The following RGPD8 variants were observed in gnomAD, a reference collection of about 807,000 sequenced individuals.
The protein encoded by RGPD8 is RANBP2-like and GRIP domain-containing protein 8.
In RGPD8, 15 loss-of-function variants were observed where a neutral mutation model predicts 89.1. The ratio of observed to expected loss-of-function variants is 0.17; its 90% confidence interval spans 0.11 to 0.26. The LOEUF (loss-of-function observed/expected upper bound fraction) is 0.26. RGPD8 is among the 10% of genes least tolerant of loss of function. The pLI, the probability that RGPD8 is intolerant of heterozygous loss-of-function variation, is 1.00. For synonymous variants in RGPD8, 62 were observed against 420.9 expected, an observed-to-expected ratio of 0.15 and a Z score of 10.44; for missense variants, 178 against 1,179.6, an observed-to-expected ratio of 0.15 and a Z score of 12.44.
chr2:112,410,478 G>A (rs1679127752), intron 7 of RGPD8, among the ~76,000 whole-genome samples: 1 of 151,688 alleles, frequency 6.6e-6, no homozygotes, highest in Admixed American at 6.6e-5. Flanking sequence ...TATCAACGGT[G>A]TTTTTAAAAG....
At chr2:112,379,169 G>A (rs1678188388) in intron 21 of RGPD8, among the ~76,000 whole-genome samples, 1 of 150,964 alleles carries the variant, frequency 6.6e-6, no homozygotes, top group Non-Finnish European at 1.5e-5. Flanking sequence ...TTGAAACCAA[G>A]CCATAGCTTT....
intron 7 of RGPD8, among the ~76,000 whole-genome samples, chr2:112,411,244 G>C (rs1187556880): frequency 1.5e-5 from 2 of 135,990 alleles, no homozygotes; most frequent in Non-Finnish European, 3.1e-5. Flanking sequence ...TTTTCCTTTC[G>C]AAAGTTATGC....
chr2:112,387,762 G>A (rs1234751959), intron 20 of RGPD8, among the ~76,000 whole-genome samples: 1 of 145,422 alleles, frequency 6.9e-6, no homozygotes, highest in African/African-American at 2.5e-5. Context: ...GCATGACTCC[G>A]TACACTGTAC....
chr2:112,382,370 A>G (rs1431104073), intron 20 of RGPD8, among the ~76,000 whole-genome samples: 2 of 150,644 alleles, frequency 1.3e-5, no homozygotes, highest in Non-Finnish European at 3.0e-5. Flanking sequence ...AAAAAAGCAT[A>G]TGTACCTTAG....
chr2:112,432,542 C>G, intron 1 of RGPD8: 1 of 985,384 alleles, frequency 1.0e-6, no homozygotes, highest in Non-Finnish European at 1.2e-6. Flanking sequence ...TGTCACTCGA[C>G]GCAGCCGCCA....
rs1205784774 is a variant in RGPD8 at position 112,370,707 on chromosome 2, C to A, written c.5264-495G>T. 2.3e-5 allele frequency among the ~76,000 whole-genome samples: 3 copies of A among 130,500 alleles called. No homozygotes were observed. The South Asian group carries it at 8.2e-4, about 36-fold the overall frequency. 85.6% of individuals were successfully genotyped at this position (130,500 alleles called of 152,430 possible). A position where few individuals can be genotyped will look rare whatever the true frequency, so the allele number is the denominator to read the frequency against. ...TTTAGACACACTGCTTACTAAATTT[C>A]TCTTTTTAAAGGATATACTGAATTT... is the stretch of plus-strand genomic sequence containing the variant. On this transcript the variant is annotated intron_variant, in intron 22 of 22. Coordinates refer to ENST00000302558, the MANE Select transcript of RGPD8 (RefSeq NM_001164463.1).
intron 1 of RGPD8, among the ~76,000 whole-genome samples, chr2:112,428,771 G>C (rs1473833944): frequency 6.6e-6 from 1 of 152,118 alleles, no homozygotes. Context: ...CACATTTGAG[G>C]GTTTAAATTG....
chr2:112,402,614 C>G (rs1488008616), intron 9 of RGPD8, among the ~76,000 whole-genome samples: 5 of 146,610 alleles, frequency 3.4e-5, no homozygotes, highest in African/African-American at 1.3e-4. Flanking sequence ...TGTTCATGTC[C>G]TTTGTCTCAG....
At position 112,380,857 on chromosome 2, in the gene RGPD8, C is replaced by T. The variant is rs1678276285; in HGVS notation, c.5028G>A (p.Glu1676=). The change falls in exon 21 of 23, where the codon GAG becomes GAA. Residue 1676 remains glutamate, a synonymous_variant. Transcript: ENST00000302558. Reference sequence around the variant, plus strand: ...GCTCCATAAGGACTGCATTGGTTGCCTCTATTTCCCGAAGCAGGCCGTTTA... The same window carrying T: ...GCTCCATAAGGACTGCATTGGTTGCTTCTATTTCCCGAAGCAGGCCGTTTA... ...DHLNGLLREI[E]ATNAVLMEQI... The T allele has an allele frequency of 7.1e-7, 1 of 1,415,510 alleles. No individual in the cohort carries two copies. Among genetic ancestry groups the T allele is most frequent in the African/African-American group, 1.4e-5 (1 of 70,058 alleles). The allele number at this position is 1,415,510 out of a possible 1,614,324, so 87.7% of individuals were successfully genotyped here. A position where few individuals can be genotyped will look rare whatever the true frequency, so the allele number is the denominator to read the frequency against.
At chr2:112,433,306 G>A (rs1290761593) in intron 1 of RGPD8, 76 bp downstream of exon 1, 1 of 1,487,554 alleles carries the variant, frequency 6.7e-7, no homozygotes, top group Non-Finnish European at 9.0e-7. Context: ...GACCCATCGA[G>A]GCCGCCGCCG....
chr2:112,422,749 C>T (rs1679609674), intron 2 of RGPD8, 90 bp from the exon 3 acceptor site: 1 of 549,144 alleles, frequency 1.8e-6, no homozygotes, highest in African/African-American at 2.8e-5. Context: ...CCAAAGCAAC[C>T]ACTAAACTCG....
chr2:112,420,819 A>AC (rs1338546832), intron 4 of RGPD8, among the ~76,000 whole-genome samples: 6 of 119,426 alleles, frequency 5.0e-5, no homozygotes, highest in Admixed American at 1.8e-4. Flanking sequence ...ATGAATCTAC[A>AC]CGTGATAAAA....
At chr2:112,424,736 ACATCATCAT>A (rs578192808) in intron 1 of RGPD8, among the ~76,000 whole-genome samples, 68 of 123,488 alleles carry the variant, frequency 5.5e-4, no homozygotes, top group African/African-American at 1.3e-3. Context: ...CATCTCCCAA[ACATCATCAT>A]CATCATCATC....
intron 22 of RGPD8, among the ~76,000 whole-genome samples, chr2:112,377,272 A>C (rs1678147042): frequency 2.6e-5 from 2 of 78,104 alleles, no homozygotes; most frequent in Non-Finnish European, 4.9e-5. Context: ...AACTCTAACT[A>C]CATCATAGTT....
intron 6 of RGPD8, among the ~76,000 whole-genome samples, chr2:112,415,409 G>A (rs1372020890): frequency 6.6e-6 from 1 of 151,038 alleles, no homozygotes; most frequent in Non-Finnish European, 1.5e-5. Context: ...CTGTGAAACT[G>A]CCTAGGGTGG....
intron 1 of RGPD8, among the ~76,000 whole-genome samples, chr2:112,426,056 A>T (rs1360827499): frequency 6.6e-6 from 1 of 151,606 alleles, no homozygotes; most frequent in Non-Finnish European, 1.5e-5. Flanking sequence ...CTTCTTCACA[A>T]TTTCATGGAC....
chr2:112,409,329 GGTAAA>G (rs1679075394), intron 7 of RGPD8, among the ~76,000 whole-genome samples: 1 of 98,032 alleles, frequency 1.0e-5, no homozygotes, highest in African/African-American at 5.1e-5. Flanking sequence ...TCTGGCAATA[GGTAAA>G]GCACACCCAC....
intron 1 of RGPD8, among the ~76,000 whole-genome samples, chr2:112,429,141 C>T (rs1338139983): frequency 1.3e-5 from 2 of 151,638 alleles, no homozygotes; most frequent in Non-Finnish European, 2.9e-5. Context: ...TAAAATGGGG[C>T]CGGGCGCGGT....
At chr2:112,409,511 TCA>T (rs1679082932) in intron 7 of RGPD8, among the ~76,000 whole-genome samples, 1 of 142,626 alleles carries the variant, frequency 7.0e-6, no homozygotes, top group Non-Finnish European at 1.5e-5. Context: ...GATTAAAAGT[TCA>T]CAGTCAGGTG....
Sources: allele counts gnomAD v4.1 joint callset (sites outside exome capture counted in the v4.1 genomes callset), GRCh38; gene constraint gnomAD v4.1.1; transcripts MANE v1.5; gene names NCBI Gene and HGNC (gene_info 2026-07-23, HGNC 2026-07-21).